ELAPOR2: variants seen among roughly 807,000 people sequenced by gnomAD.
ELAPOR2 encodes the protein endosome/lysosome-associated apoptosis and autophagy regulator family member 2.
A neutral mutation model predicts 120.7 loss-of-function variants in ELAPOR2; 89 were observed. That is an observed-to-expected ratio of 0.74 (90% confidence interval 0.62 to 0.88). ELAPOR2 has a LOEUF of 0.88. Ranked by LOEUF, ELAPOR2 falls within the 40% of genes least tolerant of loss-of-function variation. The pLI, the probability that ELAPOR2 is intolerant of heterozygous loss-of-function variation, is 0.00. For synonymous variants in ELAPOR2, 444 were observed against 444.9 expected (o/e 1.00, Z 0.03); for missense variants, 1,134 against 1,251.6 (o/e 0.91, Z 1.42).
At chr7:86,925,014 C>T (rs1452318322) in intron 10 of ELAPOR2, among the ~76,000 whole-genome samples, 2 of 151,946 alleles carry the variant, frequency 1.3e-5, no homozygotes, top group Non-Finnish European at 1.5e-5. Flanking sequence ...AAGGTAAGAG[C>T]AAATACAAAT....
intron 1 of ELAPOR2, among the ~76,000 whole-genome samples, chr7:87,002,580 A>G (rs1793352837): frequency 6.6e-6 from 1 of 152,038 alleles, no homozygotes; most frequent in Non-Finnish European, 1.5e-5. Context: ...TGAGAGGGGA[A>G]TTTCTGTGAC....
chr7:86,891,390 G>C (rs1257248182), intron 21 of ELAPOR2: 3 of 182,106 alleles, frequency 1.6e-5, no homozygotes, highest in Non-Finnish European at 3.4e-5. Flanking sequence ...AAATACAATA[G>C]TCCATTTGTT....
intron 1 of ELAPOR2, among the ~76,000 whole-genome samples, chr7:86,998,105 T>C (rs1240879650): frequency 6.6e-6 from 1 of 152,204 alleles, no homozygotes; most frequent in Non-Finnish European, 1.5e-5. Context: ...TTTCCTTGTA[T>C]ACATGGCATT....
chr7:86,993,267 G>GAAAA (rs1562959710), intron 1 of ELAPOR2, among the ~76,000 whole-genome samples: 9 of 128,160 alleles, frequency 7.0e-5, no homozygotes, highest in South Asian at 2.3e-4. Flanking sequence ...GAAAAGAAAA[G>GAAAA]GAAAGAAAAA....
intron 8 of ELAPOR2, among the ~76,000 whole-genome samples, chr7:86,936,215 A>G (rs186574130): frequency 6.6e-6 from 1 of 152,128 alleles, no homozygotes; most frequent in African/African-American, 2.4e-5. Flanking sequence ...CTATTTATGT[A>G]TTTATATAAA....
At chr7:87,042,479 T>C (rs1185518929) in intron 1 of ELAPOR2, among the ~76,000 whole-genome samples, 1 of 151,520 alleles carries the variant, frequency 6.6e-6, no homozygotes, top group Non-Finnish European at 1.5e-5. Context: ...CTCAACTACA[T>C]GGAAATTGAA....
At chr7:87,007,550 A>G (rs961516457) in intron 1 of ELAPOR2, among the ~76,000 whole-genome samples, 2 of 152,200 alleles carry the variant, frequency 1.3e-5, no homozygotes, top group Non-Finnish European at 2.9e-5. Context: ...TACTTGGAAG[A>G]TCTAGGGGAA....
intron 1 of ELAPOR2, among the ~76,000 whole-genome samples, chr7:86,998,432 TGA>T (rs1275712512): frequency 9.2e-5 from 14 of 152,214 alleles, no homozygotes; most frequent in African/African-American, 3.4e-4. Flanking sequence ...TTTAGCTTAA[TGA>T]TGGTTATAGA....
chr7:86,946,544 G>A (rs1035267779), intron 3 of ELAPOR2, among the ~76,000 whole-genome samples: 4 of 151,918 alleles, frequency 2.6e-5, no homozygotes, highest in Non-Finnish European at 2.9e-5. Context: ...CTGCCACCAC[G>A]CCAGGCTAAT....
intron 1 of ELAPOR2, among the ~76,000 whole-genome samples, chr7:87,027,037 C>A (rs1475814540): frequency 3.9e-5 from 6 of 152,042 alleles, no homozygotes; most frequent in African/African-American, 1.4e-4. Flanking sequence ...TAATTTCTCT[C>A]TATACTAAAG....
chr7:86,999,294 G>A (rs1793233274), intron 1 of ELAPOR2, among the ~76,000 whole-genome samples: 1 of 152,108 alleles, frequency 6.6e-6, no homozygotes, highest in South Asian at 2.1e-4. Context: ...TTAAAAATTA[G>A]TTTTGTTTTA....
At chr7:87,045,329 T>C (rs1337386797) in intron 1 of ELAPOR2, among the ~76,000 whole-genome samples, 1 of 148,740 alleles carries the variant, frequency 6.7e-6, no homozygotes, top group East Asian at 1.9e-4. Context: ...TGCGGCATTA[T>C]TGACAATAGC....
intron 1 of ELAPOR2, among the ~76,000 whole-genome samples, chr7:87,006,374 G>C (rs919909977): frequency 1.3e-5 from 2 of 151,798 alleles, no homozygotes; most frequent in African/African-American, 4.8e-5. Context: ...AGGCCTGTTG[G>C]GGGGTGGGGG....
At chr7:86,955,019 AT>A (rs1791415263) in intron 2 of ELAPOR2, among the ~76,000 whole-genome samples, 1 of 152,124 alleles carries the variant, frequency 6.6e-6, no homozygotes, top group Non-Finnish European at 1.5e-5. Flanking sequence ...ATTAATTATC[AT>A]TATCAGATAA....
chr7:86,907,515 C>A (rs1789075821), intron 18 of ELAPOR2, among the ~76,000 whole-genome samples, 155 bp downstream of exon 18: 1 of 148,580 alleles, frequency 6.7e-6, no homozygotes, highest in Non-Finnish European at 1.5e-5. Context: ...TCTTAATACA[C>A]ACTCAGCACA....
At chr7:86,918,018 CT>C (rs1424520323) in intron 12 of ELAPOR2, among the ~76,000 whole-genome samples, 1 of 152,078 alleles carries the variant, frequency 6.6e-6, no homozygotes, top group Admixed American at 6.6e-5. Flanking sequence ...TCTAAATGCT[CT>C]CTTCTCAATG....
chr7:87,040,744 C>T (rs969332135), intron 1 of ELAPOR2, among the ~76,000 whole-genome samples: 71 of 152,312 alleles, frequency 4.7e-4, no homozygotes, highest in African/African-American at 1.5e-3. Flanking sequence ...TCACCAGCAA[C>T]GGAACAAAGC....
chr7:86,925,665 G>C lies in ELAPOR2; in HGVS notation c.1271-9C>G, dbSNP rs1327287932. 3 of 1,610,492 alleles carry C rather than the reference G, an allele frequency of 1.9e-6. No individual in the cohort carries two copies. The highest frequency in any genetic ancestry group is 1.3e-5 in the African/African-American group (1 of 74,712). On this transcript the variant is annotated splice_polypyrimidine_tract_variant and intron_variant, in intron 9 of 21. Coordinates refer to ENST00000450689, the MANE Select transcript of ELAPOR2 (RefSeq NM_001142749.3). ...TGGACATGGTCTACATTCTACAGGA[G>C]ACAAGTAGGGTCAACAATTAAAATT...
At chr7:86,903,172 C>G (rs1788798573) in intron 18 of ELAPOR2, among the ~76,000 whole-genome samples, 1 of 152,068 alleles carries the variant, frequency 6.6e-6, no homozygotes, top group Non-Finnish European at 1.5e-5. Flanking sequence ...CAAAATTGAT[C>G]TGAAAATTTT....
Sources: gnomAD v4.1 joint callset for allele counts (sites outside exome capture counted in the v4.1 genomes callset) on GRCh38, gnomAD v4.1.1 for gene constraint, MANE v1.5 for transcripts, NCBI Gene and HGNC (gene_info 2026-07-23, HGNC 2026-07-21) for gene names.